CNTNAP2: variants seen among roughly 807,000 people sequenced by gnomAD.
CNTNAP2 encodes the protein contactin associated protein 2, also known as contactin-associated protein-like 2.
Under a neutral mutation model 155.2 loss-of-function variants are expected in CNTNAP2, and 98 were observed. That is an observed-to-expected ratio of 0.63 (90% CI 0.54 to 0.75). The LOEUF (loss-of-function observed/expected upper bound fraction) is 0.75, where lower values mean the gene tolerates loss of function less well. CNTNAP2 is among the 30% of genes least tolerant of loss of function. CNTNAP2 has a pLI of 0.00. For synonymous variants in CNTNAP2, 651 were observed against 631.2 expected, an observed-to-expected ratio of 1.03 and a Z score of -0.47; for missense variants, 1,727 against 1,688.1, an observed-to-expected ratio of 1.02 and a Z score of -0.40.
At chr7:148,398,947 A>G (rs186041216) in intron 22 of CNTNAP2, among the ~76,000 whole-genome samples, 60 of 152,316 alleles carry the variant, frequency 3.9e-4, no homozygotes, top group African/African-American at 1.4e-3. Flanking sequence ...TTTAACTATC[A>G]TAATTTTCTC....
chr7:147,183,995 T>C (rs1802516706), intron 8 of CNTNAP2, among the ~76,000 whole-genome samples: 1 of 152,198 alleles, frequency 6.6e-6, no homozygotes, highest in Admixed American at 6.5e-5. Context: ...TGTAGGTCTT[T>C]AAAAACATCA....
intron 10 of CNTNAP2, among the ~76,000 whole-genome samples, chr7:147,481,414 C>G (rs1484405054): frequency 2.0e-5 from 3 of 152,106 alleles, no homozygotes; most frequent in Non-Finnish European, 4.4e-5. Context: ...AAATCAAGTT[C>G]AGAAATAAAA....
At chr7:147,744,629 C>T (rs545820511) in intron 13 of CNTNAP2, among the ~76,000 whole-genome samples, 1 of 152,272 alleles carries the variant, frequency 6.6e-6, no homozygotes, top group African/African-American at 2.4e-5. Context: ...TTTATTTTCT[C>T]ACAGTTTTAG....
chr7:146,723,454 C>G (rs1449562970), intron 1 of CNTNAP2, among the ~76,000 whole-genome samples: 1 of 152,128 alleles, frequency 6.6e-6, no homozygotes, highest in Non-Finnish European at 1.5e-5. Flanking sequence ...AGTTAGAAAC[C>G]TTTTCATACT....
intron 10 of CNTNAP2, among the ~76,000 whole-genome samples, chr7:147,471,595 A>C (rs1798216221): frequency 6.6e-6 from 1 of 152,248 alleles, no homozygotes; most frequent in Non-Finnish European, 1.5e-5. Flanking sequence ...CAAATATGCC[A>C]AAATATTTTA....
intron 1 of CNTNAP2, among the ~76,000 whole-genome samples, chr7:146,731,153 A>C (rs1801518826): frequency 6.6e-6 from 1 of 152,166 alleles, no homozygotes; most frequent in Non-Finnish European, 1.5e-5. Flanking sequence ...ACTGAAATCA[A>C]AGTCCCCTAG....
At chr7:146,483,659 T>TAA in intron 1 of CNTNAP2, among the ~76,000 whole-genome samples, 1 of 151,608 alleles carries the variant, frequency 6.6e-6, no homozygotes, top group South Asian at 2.1e-4. Context: ...CAGGTAAATG[T>TAA]ATGTCTTATT....
chr7:148,180,505 C>A (rs1188699473), intron 18 of CNTNAP2, among the ~76,000 whole-genome samples: 3 of 151,792 alleles, frequency 2.0e-5, no homozygotes, highest in Non-Finnish European at 4.4e-5. Context: ...GCCAAGGGAG[C>A]TGAGAGGCCA....
At chr7:147,460,975 G>A (rs1584961157) in intron 10 of CNTNAP2, among the ~76,000 whole-genome samples, 1 of 152,276 alleles carries the variant, frequency 6.6e-6, no homozygotes, top group East Asian at 1.9e-4. Context: ...TGGTGGAGAA[G>A]AAGTTGTGTC....
intron 20 of CNTNAP2, among the ~76,000 whole-genome samples, chr7:148,250,909 A>G (rs1336036190): frequency 1.3e-5 from 2 of 152,188 alleles, no homozygotes; most frequent in Non-Finnish European, 2.9e-5. Context: ...GTGCAGTCAC[A>G]CAATCACAGC....
At chr7:147,256,666 G>A (rs994109580) in intron 8 of CNTNAP2, among the ~76,000 whole-genome samples, 15 of 152,164 alleles carry the variant, frequency 9.9e-5, no homozygotes, top group Non-Finnish European at 1.8e-4. Flanking sequence ...GATGACAAAT[G>A]TGATCTACAT....
At chr7:147,011,444 A>AAAAAAAAAAAG (rs1554424732) in intron 3 of CNTNAP2, among the ~76,000 whole-genome samples, 1 of 127,712 alleles carries the variant, frequency 7.8e-6, no homozygotes, top group African/African-American at 2.9e-5. Flanking sequence ...AAAAAAAAAA[A>AAAAAAAAAAAG]GGAACAAGGT....
chr7:147,182,042 T>C (rs1363571655), intron 8 of CNTNAP2, among the ~76,000 whole-genome samples: 1 of 150,448 alleles, frequency 6.6e-6, no homozygotes, highest in Non-Finnish European at 1.5e-5. Flanking sequence ...GGAGAATTGC[T>C]TGAATCCAGG....
intron 8 of CNTNAP2, among the ~76,000 whole-genome samples, chr7:147,181,262 A>C (rs1279171056): frequency 6.6e-6 from 1 of 152,230 alleles, no homozygotes. Flanking sequence ...TCCAAAGGGC[A>C]CAGAGGCAGA....
chr7:148,319,735 A>G (rs1334416034), intron 21 of CNTNAP2, among the ~76,000 whole-genome samples: 1 of 151,672 alleles, frequency 6.6e-6, no homozygotes, highest in Non-Finnish European at 1.5e-5. Context: ...CTAATGCTTG[A>G]TGATCTGTCA....
chr7:147,758,662 G>A (rs574804906), intron 13 of CNTNAP2, among the ~76,000 whole-genome samples: 1 of 152,190 alleles, frequency 6.6e-6, no homozygotes, highest in South Asian at 2.1e-4. Context: ...TGGGCAACAT[G>A]GTGAAACCCC....
intron 15 of CNTNAP2, among the ~76,000 whole-genome samples, chr7:148,058,381 A>G (rs570780190): frequency 6.6e-6 from 1 of 152,308 alleles, no homozygotes; most frequent in African/African-American, 2.4e-5. Flanking sequence ...TAAACAAGTC[A>G]GTGTGCAGCC....
intron 2 of CNTNAP2, among the ~76,000 whole-genome samples, chr7:146,795,961 T>C (rs936544030): frequency 6.6e-6 from 1 of 152,102 alleles, no homozygotes; most frequent in Admixed American, 6.6e-5. Flanking sequence ...AGAAATACAA[T>C]TTGAAATTCA....
At chr7:147,896,325 C>G (rs1464611576) in intron 13 of CNTNAP2, among the ~76,000 whole-genome samples, 3 of 152,178 alleles carry the variant, frequency 2.0e-5, no homozygotes, top group Non-Finnish European at 4.4e-5. Context: ...ACTGGAACAC[C>G]CACCGTAACC....
Sources: gnomAD v4.1 joint callset for allele counts (sites outside exome capture counted in the v4.1 genomes callset) on GRCh38, gnomAD v4.1.1 for gene constraint, MANE v1.5 for transcripts, NCBI Gene and HGNC (gene_info 2026-07-23, HGNC 2026-07-21) for gene names.